The following GPR158 variants were observed in gnomAD, a reference collection of about 807,000 sequenced individuals.
GPR158 encodes metabotropic glycine receptor.
A neutral mutation model predicts 78.2 loss-of-function variants in GPR158; 30 were observed. That is an observed-to-expected ratio of 0.38 (90% CI 0.29 to 0.52). The LOEUF (loss-of-function observed/expected upper bound fraction) is 0.52. GPR158 is among the 20% of genes least tolerant of loss of function. GPR158 has a pLI of 0.83. For missense variants in GPR158, 1,463 were observed against 1,523.5 expected (o/e 0.96, Z 0.66); for synonymous variants, 581 against 591.1 (o/e 0.98, Z 0.25).
chr10:25,195,190 ATC>A (rs1327476516), intron 1 of GPR158, among the ~76,000 whole-genome samples: 1 of 149,886 alleles, frequency 6.7e-6, no homozygotes, highest in Non-Finnish European at 1.5e-5. Flanking sequence ...TATTTCTAAG[ATC>A]AACTTTTTCT....
chr10:25,243,500 A>G (rs1194444133), intron 2 of GPR158, among the ~76,000 whole-genome samples: 4 of 152,174 alleles, frequency 2.6e-5, no homozygotes, highest in Admixed American at 2.6e-4. Flanking sequence ...AGTCTATTAA[A>G]GTTAGTTGAA....
chr10:25,195,945 A>G (rs1852838119), intron 1 of GPR158, among the ~76,000 whole-genome samples: 1 of 152,126 alleles, frequency 6.6e-6, no homozygotes, highest in Non-Finnish European at 1.5e-5. Flanking sequence ...CTGATTTATT[A>G]TACCTTTGTA....
intron 4 of GPR158, among the ~76,000 whole-genome samples, chr10:25,446,823 T>C (rs1440269766): frequency 2.0e-5 from 3 of 152,220 alleles, no homozygotes; most frequent in Admixed American, 6.5e-5. Context: ...GATACAACAG[T>C]GTTTCTACAT....
At chr10:25,467,517 CTTCT>C (rs1054454380) in intron 5 of GPR158, among the ~76,000 whole-genome samples, 2 of 152,092 alleles carry the variant, frequency 1.3e-5, no homozygotes, top group Non-Finnish European at 2.9e-5. Flanking sequence ...TTATGATTTT[CTTCT>C]TTGTCACATA....
intron 1 of GPR158, among the ~76,000 whole-genome samples, chr10:25,202,360 C>T (rs756463233): frequency 1.3e-5 from 2 of 151,928 alleles, no homozygotes; most frequent in South Asian, 2.1e-4. Flanking sequence ...CCCATTAACT[C>T]GTCATTTACA....
chr10:25,200,830 A>C (rs942934995), intron 1 of GPR158, among the ~76,000 whole-genome samples: 3 of 131,958 alleles, frequency 2.3e-5, no homozygotes, highest in African/African-American at 8.3e-5. Context: ...TGGACTCCCT[A>C]TTCTGTTCCA....
At chr10:25,447,288 T>A (rs1254553948) in intron 4 of GPR158, among the ~76,000 whole-genome samples, 2 of 152,200 alleles carry the variant, frequency 1.3e-5, no homozygotes, top group Non-Finnish European at 2.9e-5. Context: ...AGGTTTAAAT[T>A]GAATTTTTGA....
chr10:25,235,922 A>T (rs951722446), intron 2 of GPR158, among the ~76,000 whole-genome samples: 6 of 151,750 alleles, frequency 4.0e-5, no homozygotes, highest in South Asian at 2.1e-4. Flanking sequence ...GGTGTCAATC[A>T]TCTGACCTTG....
chr10:25,195,811 T>C (rs1302833410), intron 1 of GPR158, among the ~76,000 whole-genome samples: 5 of 152,186 alleles, frequency 3.3e-5, no homozygotes, highest in Non-Finnish European at 4.4e-5. Flanking sequence ...TGCCAGAAAA[T>C]GTCTTCTAAC....
intron 5 of GPR158, among the ~76,000 whole-genome samples, chr10:25,514,909 A>G (rs1403183598): frequency 6.6e-6 from 1 of 151,140 alleles, no homozygotes; most frequent in Admixed American, 6.6e-5. Flanking sequence ...ATTTTCCTTT[A>G]TAGGTTACCT....
chr10:25,373,450 G>A (rs1412951801), intron 2 of GPR158, among the ~76,000 whole-genome samples: 2 of 151,864 alleles, frequency 1.3e-5, no homozygotes, highest in Non-Finnish European at 2.9e-5. Flanking sequence ...TATTGCTATA[G>A]ATGAGATTTA....
intron 6 of GPR158, among the ~76,000 whole-genome samples, chr10:25,557,663 G>T (rs991943974): frequency 1.3e-5 from 2 of 152,176 alleles, no homozygotes; most frequent in African/African-American, 2.4e-5. Flanking sequence ...AGGGATTTCT[G>T]CCATGAGTAG....
In GPR158 at chr10:25,518,054, G is replaced by A. The variant is rs1288370847; in HGVS notation, c.1405-32922G>A. Among the ~76,000 whole-genome samples, 365 of 97,056 alleles carry A rather than the reference G, an allele frequency of 3.8e-3. 1 individual carries two copies. Among genetic ancestry groups the A allele is most frequent in the Non-Finnish European group, 6.0e-3 (298 of 49,770 alleles). The allele number at this position is 97,056 out of a possible 152,430, so 63.7% of individuals were successfully genotyped here. A position where few individuals can be genotyped will look rare whatever the true frequency, so the allele number is the denominator to read the frequency against. ...GATTATTGCCACAATTTCAGCTCCT[G>A]TTATTGGTCTATTCAGAGATTCAAC... On this transcript the variant is annotated intron_variant, in intron 5 of 10. Transcript: ENST00000376351.
intron 1 of GPR158, among the ~76,000 whole-genome samples, chr10:25,200,396 T>C (rs1020723519): frequency 1.3e-5 from 2 of 152,208 alleles, no homozygotes; most frequent in Non-Finnish European, 2.9e-5. Context: ...CTTAAGTTCC[T>C]TATAGATTCT....
chr10:25,332,775 G>A (rs944228020), intron 2 of GPR158, among the ~76,000 whole-genome samples: 1 of 151,934 alleles, frequency 6.6e-6, no homozygotes, highest in South Asian at 2.1e-4. Context: ...AGGATCTCTC[G>A]TTATAACTTA....
intron 2 of GPR158, among the ~76,000 whole-genome samples, chr10:25,229,542 CT>C (rs1247937284): frequency 4.6e-5 from 7 of 152,074 alleles, no homozygotes; most frequent in African/African-American, 1.7e-4. Context: ...TTTAAAGCCT[CT>C]ATTTTACTGA....
intron 1 of GPR158, among the ~76,000 whole-genome samples, chr10:25,192,704 T>C (rs1186938273): frequency 6.6e-6 from 1 of 152,108 alleles, no homozygotes; most frequent in Non-Finnish European, 1.5e-5. Context: ...TTATGATGGT[T>C]CTACCTACAA....
intron 5 of GPR158, among the ~76,000 whole-genome samples, chr10:25,505,137 A>T (rs575849260): frequency 9.8e-5 from 15 of 152,346 alleles, no homozygotes; most frequent in African/African-American, 3.6e-4. Context: ...GACATTGTAT[A>T]AACATTAGCT....
At chr10:25,220,931 G>C (rs185310380) in intron 1 of GPR158, 121 bp from the exon 2 acceptor site, 17 of 622,814 alleles carry the variant, frequency 2.7e-5, no homozygotes, top group Admixed American at 1.8e-4. Flanking sequence ...TTGAATATGA[G>C]TAGGCAATTT....
Sources: allele counts gnomAD v4.1 joint callset (sites outside exome capture counted in the v4.1 genomes callset), GRCh38; gene constraint gnomAD v4.1.1; transcripts MANE v1.5; gene names NCBI Gene and HGNC (gene_info 2026-07-23, HGNC 2026-07-21).